Variants in CNTNAP3B observed in about 807,000 individuals in gnomAD.
CNTNAP3B encodes the protein contactin-associated protein-like 3B.
A neutral mutation model predicts 108.9 loss-of-function variants in CNTNAP3B; 25 were observed. That is an observed-to-expected ratio of 0.23 (90% CI 0.17 to 0.32). The LOEUF is 0.32. CNTNAP3B is among the 10% of genes least tolerant of loss of function. The pLI, the probability that CNTNAP3B is intolerant of heterozygous loss-of-function variation, is 1.00. For synonymous variants in CNTNAP3B, 103 were observed against 473.4 expected (o/e 0.22, Z 10.16); for missense variants, 252 against 1,210.4 (o/e 0.21, Z 11.75).
At chr9:41,938,649 C>G (rs553802393) in intron 13 of CNTNAP3B, among the ~76,000 whole-genome samples, 120 of 152,372 alleles carry the variant, frequency 7.9e-4, no homozygotes, top group Non-Finnish European at 1.2e-3. Flanking sequence ...AGAAATCAGT[C>G]AGTTGCACGT....
chr9:41,958,150 C>T (rs1350381214), intron 12 of CNTNAP3B, among the ~76,000 whole-genome samples: 2 of 152,216 alleles, frequency 1.3e-5, no homozygotes, highest in African/African-American at 2.4e-5. Flanking sequence ...CTCTGTTGCC[C>T]AGGCTAGAGT....
At position 42,056,069 on chromosome 9, in the gene CNTNAP3B, T is replaced by C. The variant is rs976873425; in HGVS notation, c.390+20800A>G. On this transcript the variant is annotated intron_variant, in intron 3 of 23. Coordinates refer to ENST00000377561, the MANE Select transcript of CNTNAP3B (RefSeq NM_001201380.3). ...ATAATGTCTTCATACTTAAATTTGT[T>C]CTTAAAACTGATTATTTTTAACCTG... Among the ~76,000 whole-genome samples, 3 of 119,142 alleles carry C rather than the reference T, an allele frequency of 2.5e-5. 1 individual carries two copies. The highest frequency in any genetic ancestry group is 5.3e-5 in the Non-Finnish European group (3 of 56,894). 78.2% of individuals were successfully genotyped at this position (119,142 alleles called of 152,430 possible).
At chr9:42,111,512 C>T (rs1402745619) in intron 1 of CNTNAP3B, among the ~76,000 whole-genome samples, 1 of 138,070 alleles carries the variant, frequency 7.2e-6, no homozygotes, top group Non-Finnish European at 1.5e-5. Context: ...GACAGAGCTG[C>T]CCAAGAATGA....
intron 17 of CNTNAP3B, among the ~76,000 whole-genome samples, chr9:41,922,381 G>A (rs1307149638): frequency 2.9e-5 from 4 of 139,370 alleles, no homozygotes; most frequent in East Asian, 2.0e-4. Flanking sequence ...CAGGAGAATC[G>A]CTTGAACCCG....
At chr9:41,959,687 T>C (rs1353239864) in intron 12 of CNTNAP3B, among the ~76,000 whole-genome samples, 1 of 152,312 alleles carries the variant, frequency 6.6e-6, no homozygotes, top group Non-Finnish European at 1.5e-5. Context: ...GCTCTGAATC[T>C]TCTGAACATC....
At chr9:42,036,062 C>G (rs538456897) in intron 3 of CNTNAP3B, among the ~76,000 whole-genome samples, 1 of 149,302 alleles carries the variant, frequency 6.7e-6, no homozygotes, top group South Asian at 2.1e-4. Context: ...GAGCCAAGAT[C>G]GCACCACTGC....
intron 13 of CNTNAP3B, among the ~76,000 whole-genome samples, chr9:41,950,448 C>T (rs1327361811): frequency 7.6e-6 from 1 of 130,936 alleles, no homozygotes; most frequent in African/African-American, 2.9e-5. Context: ...TTCATAAAAG[C>T]TTTATTCATA....
intron 3 of CNTNAP3B, among the ~76,000 whole-genome samples, chr9:42,035,471 G>A (rs1286825028): frequency 6.2e-5 from 9 of 145,782 alleles, no homozygotes; most frequent in Non-Finnish European, 1.4e-4. Context: ...AGATCTTGGG[G>A]GTTAATAATA....
At position 42,075,595 on chromosome 9, in the gene CNTNAP3B, G is replaced by C. The variant is rs1368449434; in HGVS notation, c.390+1274C>G. Among the ~76,000 whole-genome samples, 2 of 121,422 alleles carry C rather than the reference G, an allele frequency of 1.6e-5. 1 individual carries two copies. Among genetic ancestry groups the C allele is most frequent in the Non-Finnish European group, 3.4e-5 (2 of 57,982 alleles). The allele number at this position is 121,422 out of a possible 152,430, so 79.7% of individuals were successfully genotyped here. A position where few individuals can be genotyped will look rare whatever the true frequency, so the allele number is the denominator to read the frequency against. ...GGCAAATGACATTGCCTTGGCTATG[G>C]TTTCCCTCTGAACTGCTTAACTTGG... is the stretch of plus-strand genomic sequence containing the variant. On this transcript the variant is annotated intron_variant, in intron 3 of 23. Coordinates refer to ENST00000377561, the MANE Select transcript of CNTNAP3B (RefSeq NM_001201380.3).
chr9:41,995,439 CAAAACA>C lies in CNTNAP3B; in HGVS notation c.1071+760_1071+765del, dbSNP rs1185722905. Among the ~76,000 whole-genome samples, 66 of 110,482 alleles carry C rather than the reference CAAAACA, an allele frequency of 6.0e-4. 1 individual carries two copies. The highest frequency in any genetic ancestry group is 7.5e-4 in the African/African-American group (19 of 25,310). The allele number at this position is 110,482 out of a possible 152,430, so 72.5% of individuals were successfully genotyped here. On this transcript the variant is annotated intron_variant, in intron 7 of 23. Transcript: ENST00000377561. ...TGGGCAACAGAGCAAGACTGCATCT[CAAAACA>C]AAAACAAAAACAAAAACAAAAAAAG...
rs1462016271 is a variant in CNTNAP3B, at chr9:42,038,456, A to T, written c.391-24931T>A. ...GAAGATCTGCCAAGCAATGGAAAAT[A>T]AAAAAAAAGCAGGGGTTGCAATCCT... On this transcript the variant is annotated intron_variant, in intron 3 of 23. Transcript: ENST00000377561. Among the ~76,000 whole-genome samples, 6 of 64,440 alleles carry T rather than the reference A, an allele frequency of 9.3e-5. 2 individuals carry two copies. The highest frequency in any genetic ancestry group is 2.1e-4 in the Non-Finnish European group (6 of 28,256). 42.3% of individuals were successfully genotyped at this position (64,440 alleles called of 152,430 possible). A position where few individuals can be genotyped will look rare whatever the true frequency, so the allele number is the denominator to read the frequency against.
intron 1 of CNTNAP3B, among the ~76,000 whole-genome samples, chr9:42,127,872 C>T (rs1469716005): frequency 7.2e-6 from 1 of 139,114 alleles, no homozygotes; most frequent in African/African-American, 2.9e-5. Flanking sequence ...CAGCACTGAG[C>T]TACGGCAAAC....
chr9:41,948,187 G>A (rs1824580977), intron 13 of CNTNAP3B, among the ~76,000 whole-genome samples: 1 of 148,072 alleles, frequency 6.8e-6, no homozygotes, highest in Admixed American at 6.8e-5. Context: ...TGCCTCCCAA[G>A]TTCAAGCGAT....
At chr9:41,961,092 A>G (rs1304717309) in intron 11 of CNTNAP3B, among the ~76,000 whole-genome samples, 200 bp from the exon 12 acceptor site, 2 of 152,238 alleles carry the variant, frequency 1.3e-5, no homozygotes, top group Non-Finnish European at 2.9e-5. Context: ...AACAAAGGAG[A>G]AAAAAATTAC....
At chr9:41,956,363 G>A (rs1167536583) in intron 12 of CNTNAP3B, among the ~76,000 whole-genome samples, 49 of 152,220 alleles carry the variant, frequency 3.2e-4, no homozygotes, top group African/African-American at 1.1e-3. Context: ...TCCAGCCTGG[G>A]TGACAGAGCA....
At chr9:41,933,462 T>A (rs1824042745) in intron 14 of CNTNAP3B, among the ~76,000 whole-genome samples, 1 of 141,106 alleles carries the variant, frequency 7.1e-6, no homozygotes, top group African/African-American at 2.8e-5. Flanking sequence ...TTAATTCTCT[T>A]GAATAAGTTT....
chr9:42,041,752 G>T (rs1018250569), intron 3 of CNTNAP3B, among the ~76,000 whole-genome samples: 1 of 138,800 alleles, frequency 7.2e-6, no homozygotes, highest in Non-Finnish European at 1.5e-5. Flanking sequence ...ATACCCAGAG[G>T]ATTATAAATC....
chr9:41,924,970 A>T (rs897612883), intron 15 of CNTNAP3B, among the ~76,000 whole-genome samples: 72 of 151,956 alleles, frequency 4.7e-4, no homozygotes, highest in African/African-American at 1.7e-3. Context: ...AATACCACAG[A>T]AGGGCTGCTG....
rs552632089 is a variant in CNTNAP3B, at chr9:41,918,640, G to A, written c.2995+1430C>T. ...ATAACATATGCCCCAGCCACTGGAGGACCATTTTCCATTTACTTACCATAT... is the reference window on the plus strand; with the variant it reads ...ATAACATATGCCCCAGCCACTGGAGAACCATTTTCCATTTACTTACCATAT... On this transcript the variant is annotated intron_variant, in intron 18 of 23. Coordinates refer to ENST00000377561, the MANE Select transcript of CNTNAP3B (RefSeq NM_001201380.3). Among the ~76,000 whole-genome samples, 77 of 141,302 alleles carry A rather than the reference G, an allele frequency of 5.4e-4. 3 individuals are homozygous for A. Among genetic ancestry groups the A allele is most frequent in the African/African-American group, 2.1e-3 (76 of 36,172 alleles). 92.7% of individuals were successfully genotyped at this position (141,302 alleles called of 152,430 possible).
Sources: allele counts gnomAD v4.1 joint callset (sites outside exome capture counted in the v4.1 genomes callset), GRCh38; gene constraint gnomAD v4.1.1; transcripts MANE v1.5; gene names NCBI Gene and HGNC (gene_info 2026-07-23, HGNC 2026-07-21).